Variants in GRAMD4 observed in about 807,000 individuals in gnomAD.
GRAMD4 encodes the protein GRAM domain containing 4, also known as GRAM domain-containing protein 4.
Under a neutral mutation model 83.9 loss-of-function variants are expected in GRAMD4, and 25 were observed. That is an observed-to-expected ratio of 0.30 (90% CI 0.22 to 0.42). GRAMD4 has a LOEUF of 0.42. Among genes scored for constraint, GRAMD4 ranks in the 10% least tolerant of loss-of-function variants. The pLI, the probability that GRAMD4 is intolerant of heterozygous loss-of-function variation, is 1.00. For synonymous variants in GRAMD4, 336 were observed against 320.9 expected (o/e 1.05, Z -0.50); for missense variants, 593 against 788.7 (o/e 0.75, Z 2.97).
chr22:46,603,864 G>A (rs1363047829), intron 1 of GRAMD4, among the ~76,000 whole-genome samples: 1 of 152,092 alleles, frequency 6.6e-6, no homozygotes, highest in African/African-American at 2.4e-5. Context: ...GACAGACCTC[G>A]TCCAGTCCCA....
At position 46,676,037 on chromosome 22, in the gene GRAMD4, G is replaced by C. The variant is rs1380897654; in HGVS notation, c.1563+485G>C. ...TTTTCTGGGGCAGGGAAGGCTCAGT[G>C]AGGCACTGGCAGGCACACTTGGCCC... On this transcript the variant is annotated intron_variant, in intron 17 of 18. Coordinates refer to ENST00000406902, the MANE Select transcript of GRAMD4 (RefSeq NM_015124.5). Among the ~76,000 whole-genome samples the C allele has an allele frequency of 9.8e-5, 15 of 152,362 alleles. No individual in the cohort carries two copies. In the East Asian group the frequency reaches 2.7e-3, roughly 27 times the overall value.
Position 46,658,183 on chromosome 22 carries a change from A to T in GRAMD4, c.284-4A>T. 6.2e-7 allele frequency: 1 copy of T among 1,611,414 alleles called. No individual in the cohort carries two copies. Among genetic ancestry groups the T allele is most frequent in the South Asian group, 1.1e-5 (1 of 91,008 alleles). On this transcript the variant is annotated splice_region_variant and splice_polypyrimidine_tract_variant and intron_variant, in intron 3 of 18. Coordinates refer to ENST00000406902, the MANE Select transcript of GRAMD4 (RefSeq NM_015124.5). ...TGGTCACCTGGCCGTTCTCTCCCCC[A>T]TAGAGGAGGAGCTCCGGAAGCTGCG...
chr22:46,587,809 G>A (rs1285968784), intron 1 of GRAMD4: 1 of 654,764 alleles, frequency 1.5e-6, no homozygotes, highest in African/African-American at 2.0e-5. Context: ...GCCTAACAGT[G>A]GAGGTGGCAG....
At chr22:46,591,291 G>A (rs947909139) in intron 1 of GRAMD4, among the ~76,000 whole-genome samples, 6 of 151,876 alleles carry the variant, frequency 4.0e-5, no homozygotes, top group African/African-American at 1.5e-4. Context: ...CTGAGAGGGG[G>A]AGGATTGCGT....
chr22:46,681,751 T>G (rs984884983), downstream of GRAMD4, among the ~76,000 whole-genome samples: 3 of 152,198 alleles, frequency 2.0e-5, no homozygotes, highest in African/African-American at 7.2e-5. Flanking sequence ...AGGTACTTGC[T>G]ATATGTTTTT....
intron 1 of GRAMD4, among the ~76,000 whole-genome samples, chr22:46,578,070 A>T (rs146647176): frequency 1.8e-4 from 28 of 152,098 alleles, no homozygotes; most frequent in African/African-American, 6.3e-4. Flanking sequence ...GGGGCCAGGG[A>T]CCTGAGTGTG....
rs1454012948 is a variant in GRAMD4, at chr22:46,677,411, C to T, written c.*160C>T. The T allele has an allele frequency of 3.6e-5, 50 of 1,372,012 alleles. No individual in the cohort carries two copies. Among genetic ancestry groups the T allele is most frequent in the Non-Finnish European group, 4.4e-5 (47 of 1,062,512 alleles). 85.0% of individuals were successfully genotyped at this position (1,372,012 alleles called of 1,614,324 possible). ...TATTGTGTTGACCTCTGCGTTTTAT[C>T]GACCAAGAAGGGGCCAGGGCTCACA... On this transcript the variant is annotated 3_prime_UTR_variant, in exon 19 of 19. Transcript: ENST00000406902.
intron 3 of GRAMD4, among the ~76,000 whole-genome samples, chr22:46,642,828 C>T (rs1238501798): frequency 6.6e-6 from 1 of 152,186 alleles, no homozygotes; most frequent in African/African-American, 2.4e-5. Context: ...GTGTATTTTT[C>T]ATCCAGTTAT....
In GRAMD4 at chr22:46,679,154, G is replaced by T; in HGVS notation, c.*1903G>T. ...CAATGGCCACACCTCTCTCCCCAGG[G>T]CCCGGCAGTGCCCAAGGATGGGTCC... On this transcript the variant is annotated 3_prime_UTR_variant, in exon 19 of 19. Transcript: ENST00000406902. 8 of 985,536 alleles carry T rather than the reference G, an allele frequency of 8.1e-6. No homozygotes were observed. Among genetic ancestry groups the T allele is most frequent in the Non-Finnish European group, 9.6e-6 (8 of 830,004 alleles). The allele number at this position is 985,536 out of a possible 1,614,324, so 61.0% of individuals were successfully genotyped here. A position where few individuals can be genotyped will look rare whatever the true frequency, so the allele number is the denominator to read the frequency against.
intron 3 of GRAMD4, among the ~76,000 whole-genome samples, chr22:46,644,759 G>A (rs1283439704): frequency 7.4e-6 from 1 of 135,714 alleles, no homozygotes; most frequent in Non-Finnish European, 1.5e-5. Flanking sequence ...TTGAGATAGG[G>A]TCTCGCTCTG....
At chr22:46,585,885 A>G (rs1173221717) in intron 1 of GRAMD4, among the ~76,000 whole-genome samples, 1 of 152,174 alleles carries the variant, frequency 6.6e-6, no homozygotes, top group Non-Finnish European at 1.5e-5. Context: ...CCTCTGTGCA[A>G]GGCTCCTGGA....
At chr22:46,577,343 AC>A in intron 1 of GRAMD4, 1 of 972,560 alleles carries the variant, frequency 1.0e-6, no homozygotes, top group Non-Finnish European at 1.2e-6. Context: ...CCCCGCGACC[AC>A]TCTCCCTTTT....
Position 46,665,671 on chromosome 22 carries a change from A to T in GRAMD4, c.774A>T (p.Ala258=). The change falls in exon 9 of 19, where the codon GCA becomes GCT. Residue 258 remains alanine (A), a synonymous_variant. Transcript: ENST00000406902. ...CCATCCCATTGTTCTTATTTCTAGC[A>T]ATTCTGAGGTTATCCCTCAATTACC... ...GWAIPLFLFL[A]ILRLSLNYLI... The T allele has an allele frequency of 6.2e-7, 1 of 1,605,664 alleles. No homozygotes were observed.
chr22:46,655,609 A>T (rs1326129584), intron 3 of GRAMD4, among the ~76,000 whole-genome samples: 1 of 152,090 alleles, frequency 6.6e-6, no homozygotes, highest in Non-Finnish European at 1.5e-5. Context: ...CCGCCCAGAG[A>T]GGGCTGGGGG....
At chr22:46,602,047 A>G (rs1178255170) in intron 1 of GRAMD4, among the ~76,000 whole-genome samples, 1 of 152,000 alleles carries the variant, frequency 6.6e-6, no homozygotes, top group Admixed American at 6.6e-5. Flanking sequence ...CTGGCAAGTG[A>G]CCACGTCGGC....
At chr22:46,594,629 C>T (rs1315392291) in intron 1 of GRAMD4, among the ~76,000 whole-genome samples, 1 of 151,548 alleles carries the variant, frequency 6.6e-6, no homozygotes, top group African/African-American at 2.4e-5. Context: ...ACAGAGATGT[C>T]CAGGGGTAAA....
At chr22:46,613,830 A>C (rs1601559293) in intron 1 of GRAMD4, among the ~76,000 whole-genome samples, 1 of 138,524 alleles carries the variant, frequency 7.2e-6, no homozygotes, top group Non-Finnish European at 1.6e-5. Flanking sequence ...GCTGTCTTTG[A>C]CCCCTTGGGG....
At chr22:46,681,466 CA>C (rs1278003130), downstream of GRAMD4, among the ~76,000 whole-genome samples, 5 of 152,352 alleles carry the variant, frequency 3.3e-5, no homozygotes, top group East Asian at 9.7e-4. Context: ...TGTTTTAATG[CA>C]TGCATTTTAC....
In GRAMD4 at chr22:46,637,825, G is replaced by T. The variant is rs2081913578; in HGVS notation, c.163-15G>T. On this transcript the variant is annotated splice_polypyrimidine_tract_variant and intron_variant, in intron 2 of 18. Transcript: ENST00000406902. ...CACAGGTGGCCCCTTTGAGCTTTTG[G>T]TGTTTTTCTTCTAGGCTGGTCCAGG... 1 of 1,613,494 alleles carries T rather than the reference G, an allele frequency of 6.2e-7. No homozygotes were observed. The highest frequency in any genetic ancestry group is 8.5e-7 in the Non-Finnish European group (1 of 1,179,740).
Sources: gnomAD v4.1 joint callset for allele counts (sites outside exome capture counted in the v4.1 genomes callset) on GRCh38, gnomAD v4.1.1 for gene constraint, MANE v1.5 for transcripts, NCBI Gene and HGNC (gene_info 2026-07-23, HGNC 2026-07-21) for gene names.